CDYL2: variants seen among roughly 807,000 people sequenced by gnomAD.
CDYL2 encodes chromodomain Y like 2, also known as chromodomain Y-like protein 2.
CDYL2 carries 23 observed loss-of-function variants against 49.4 expected under a neutral mutation model. That is an observed-to-expected ratio of 0.47 (90% confidence interval 0.34 to 0.66). The LOEUF is 0.66. Ranked by LOEUF, CDYL2 falls within the 30% of genes least tolerant of loss-of-function variation. The probability of loss-of-function intolerance (pLI) is 0.01; values close to 1 mark genes in which losing one functional copy is unlikely to be tolerated. For synonymous variants in CDYL2, 360 were observed against 268.8 expected, an observed-to-expected ratio of 1.34 and a Z score of -3.32; for missense variants, 678 against 656.4, an observed-to-expected ratio of 1.03 and a Z score of -0.36.
At chr16:80,662,615 T>C (rs570862592) in intron 2 of CDYL2, 90 of 408,102 alleles carry the variant, frequency 2.2e-4, no homozygotes, top group African/African-American at 1.7e-3. Flanking sequence ...GAGCTTACAG[T>C]CTGATTCAGA....
chr16:80,614,859 G>C (rs1182801771), intron 4 of CDYL2, among the ~76,000 whole-genome samples: 3 of 125,098 alleles, frequency 2.4e-5, no homozygotes, highest in African/African-American at 1.1e-4. Flanking sequence ...GTGAGACTCT[G>C]TCTCAGGGAG....
At chr16:80,689,664 C>T (rs560460365) in intron 1 of CDYL2, among the ~76,000 whole-genome samples, 4 of 152,296 alleles carry the variant, frequency 2.6e-5, no homozygotes, top group East Asian at 1.9e-4. Context: ...AGGAAGGAAA[C>T]GGCTTCACGG....
intron 1 of CDYL2, chr16:80,738,536 T>C (rs1258143802): frequency 6.6e-6 from 1 of 152,256 alleles, no homozygotes; most frequent in Non-Finnish European, 1.5e-5. Flanking sequence ...TGCCAGTCTA[T>C]TCATATGAAA....
At chr16:80,736,342 T>G (rs139391980) in intron 1 of CDYL2, 1 of 152,210 alleles carries the variant, frequency 6.6e-6, no homozygotes, top group Non-Finnish European at 1.5e-5. Flanking sequence ...CTTGCGTGAG[T>G]TTAGTTTGCA....
At chr16:80,680,111 G>T (rs1909911605) in intron 2 of CDYL2, among the ~76,000 whole-genome samples, 1 of 152,216 alleles carries the variant, frequency 6.6e-6, no homozygotes, top group African/African-American at 2.4e-5. Context: ...AGTAGGAAGA[G>T]ATAAACAAAT....
chr16:80,767,603 C>T (rs1408899299), intron 1 of CDYL2, among the ~76,000 whole-genome samples: 1 of 152,148 alleles, frequency 6.6e-6, no homozygotes, highest in Non-Finnish European at 1.5e-5. Flanking sequence ...GTGCTCAAGG[C>T]ATCCCAAAAG....
At chr16:80,758,197 C>A (rs1371047664) in intron 1 of CDYL2, among the ~76,000 whole-genome samples, 1 of 151,812 alleles carries the variant, frequency 6.6e-6, no homozygotes, top group African/African-American at 2.4e-5. Context: ...TGTTAGACAC[C>A]AATTATTAAT....
chr16:80,777,721 G>A (rs1481545605), intron 1 of CDYL2, among the ~76,000 whole-genome samples: 1 of 151,756 alleles, frequency 6.6e-6, no homozygotes, highest in Non-Finnish European at 1.5e-5. Flanking sequence ...AAAAAATACA[G>A]ACACACAAAG....
At chr16:80,668,336 T>C (rs112686012) in intron 2 of CDYL2, among the ~76,000 whole-genome samples, 2,022 of 152,164 alleles carry the variant, frequency 0.013, 45 homozygotes, top group African/African-American at 0.045. Context: ...GATAAATGAA[T>C]AGACAGACAG....
chr16:80,644,859 G>C (rs1002858739), intron 2 of CDYL2, among the ~76,000 whole-genome samples: 3 of 151,780 alleles, frequency 2.0e-5, no homozygotes, highest in East Asian at 2.0e-4. Flanking sequence ...TCTGATCTTT[G>C]ACAAACCTGA....
intron 4 of CDYL2, among the ~76,000 whole-genome samples, chr16:80,617,914 C>G (rs767009208): frequency 6.6e-6 from 1 of 152,192 alleles, no homozygotes; most frequent in Non-Finnish European, 1.5e-5. Context: ...CCAAGGACGA[C>G]TGACATCAAA....
rs543580716 is a variant in CDYL2, at chr16:80,711,910, C to A, written c.25-26781G>T. On this transcript the variant is annotated intron_variant, in intron 1 of 6. Transcript: ENST00000570137. The stretch of plus-strand genomic sequence containing the variant: ...AGACGTCAACGGGACCCTGAATTAT[C>A]CATTATCCAACCGACAGGGGAGAAG... Among the ~76,000 whole-genome samples the A allele has an allele frequency of 9.2e-5, 14 of 151,712 alleles. No homozygotes were observed. In the South Asian group the frequency reaches 2.7e-3, roughly 29 times the overall value.
chr16:80,663,367 G>C (rs1286554777), intron 2 of CDYL2, among the ~76,000 whole-genome samples: 1 of 151,842 alleles, frequency 6.6e-6, no homozygotes, highest in African/African-American at 2.4e-5. Flanking sequence ...CCCATGTACA[G>C]AATCCTTGCT....
chr16:80,736,184 A>G (rs1244601360), intron 1 of CDYL2, among the ~76,000 whole-genome samples: 1 of 152,224 alleles, frequency 6.6e-6, no homozygotes, highest in Non-Finnish European at 1.5e-5. Flanking sequence ...CTAACTGCAA[A>G]TGGTGACACA....
At chr16:80,746,632 T>TGC (rs1905940033) in intron 1 of CDYL2, among the ~76,000 whole-genome samples, 1 of 152,188 alleles carries the variant, frequency 6.6e-6, no homozygotes. Context: ...AGGCGGGATC[T>TGC]TCCCTTAACA....
chr16:80,604,448 G>C lies in CDYL2; in HGVS notation c.1461C>G (p.Ser487Arg). 6.2e-7 allele frequency: 1 copy of C among 1,614,222 alleles called. No individual in the cohort carries two copies. Among genetic ancestry groups the C allele is most frequent in the Non-Finnish European group, 8.5e-7 (1 of 1,180,038 alleles). ...AAAGGGAGTCAAGGCCTTTGGAGGA[G>C]CTCCAGAGCTGCTTGAGCATGAGGC... ...KECLMLKQLW[S>R]SSKGLDSLFS... The change falls in exon 7 of 7, where the codon AGC becomes AGG. Residue 487 changes from serine to arginine, a missense_variant. Physicochemically the swap from Ser to Arg is moderately radical, Grantham distance 110 (BLOSUM62 -1). Around this residue, in one of 3 missense-constraint regions of CDYL2, gnomAD observed 153 missense variants for 150.6 expected, o/e 1.02. Transcript: ENST00000570137.
chr16:80,671,494 C>T (rs1026896106), intron 2 of CDYL2, among the ~76,000 whole-genome samples: 2 of 152,218 alleles, frequency 1.3e-5, no homozygotes, highest in African/African-American at 4.8e-5. Flanking sequence ...GCACACCAGC[C>T]CCTGCCCCAA....
intron 2 of CDYL2, among the ~76,000 whole-genome samples, chr16:80,642,417 G>T (rs369967147): frequency 6.6e-6 from 1 of 152,104 alleles, no homozygotes; most frequent in Admixed American, 6.5e-5. Flanking sequence ...AGTCTAGCCT[G>T]GGTTAACGGA....
intron 1 of CDYL2, among the ~76,000 whole-genome samples, chr16:80,762,531 G>A (rs924043764): frequency 2.6e-5 from 4 of 152,234 alleles, no homozygotes; most frequent in Non-Finnish European, 4.4e-5. Flanking sequence ...AGGCCAAAGC[G>A]TGATGCAGAG....
Sources: gnomAD v4.1 joint callset for allele counts (sites outside exome capture counted in the v4.1 genomes callset) on GRCh38, gnomAD v4.1.1 for gene constraint, gnomAD v4.1.1 regional missense constraint, MANE v1.5 for transcripts, NCBI Gene and HGNC (gene_info 2026-07-23, HGNC 2026-07-21) for gene names.